SYT14: variants seen among roughly 807,000 people sequenced by gnomAD.
SYT14 encodes the protein synaptotagmin-14.
In SYT14, 32 loss-of-function variants were observed where a neutral mutation model predicts 74.2. That is an observed-to-expected ratio of 0.43 (90% CI 0.33 to 0.58). The LOEUF (loss-of-function observed/expected upper bound fraction) is 0.58. Among genes scored for constraint, SYT14 ranks in the 20% least tolerant of loss-of-function variants. The probability of loss-of-function intolerance (pLI) is 0.05; values close to 1 mark genes in which losing one functional copy is unlikely to be tolerated. For synonymous variants in SYT14, 298 were observed against 337.7 expected, an observed-to-expected ratio of 0.88 and a Z score of 1.29; for missense variants, 791 against 981.8, an observed-to-expected ratio of 0.81 and a Z score of 2.60.
intron 5 of SYT14, among the ~76,000 whole-genome samples, chr1:210,069,735 T>C (rs2081359610): frequency 6.6e-6 from 1 of 152,054 alleles, no homozygotes; most frequent in African/African-American, 2.4e-5. Flanking sequence ...TTTATAATTA[T>C]TCTTATTTGA....
intron 2 of SYT14, among the ~76,000 whole-genome samples, chr1:209,969,989 C>G (rs2079221440): frequency 6.6e-6 from 1 of 152,058 alleles, no homozygotes; most frequent in South Asian, 2.1e-4. Context: ...TGCAAATATG[C>G]AAATATTTTC....
chr1:210,162,220 G>A (rs763703414), exon 10 of SYT14: 5 of 429,046 alleles, frequency 1.2e-5, no homozygotes, highest in East Asian at 7.2e-5. Flanking sequence ...GTTCTTCAAC[G>A]TGATGTCATC....
chr1:209,975,946 C>T (rs1446441723), intron 2 of SYT14, among the ~76,000 whole-genome samples: 2 of 152,050 alleles, frequency 1.3e-5, no homozygotes, highest in Non-Finnish European at 2.9e-5. Flanking sequence ...GTGTATGTGT[C>T]GAGGAATTTA....
chr1:210,108,476 G>C (rs2082199048), intron 7 of SYT14, among the ~76,000 whole-genome samples: 1 of 152,184 alleles, frequency 6.6e-6, no homozygotes, highest in South Asian at 2.1e-4. Context: ...CCAAACGAGA[G>C]TGGCAGTCAT....
At chr1:210,116,905 T>C (rs1410012358) in intron 7 of SYT14, among the ~76,000 whole-genome samples, 2 of 152,220 alleles carry the variant, frequency 1.3e-5, no homozygotes, top group African/African-American at 4.8e-5. Context: ...TAATATAATA[T>C]TATTTCTTGA....
chr1:210,111,063 T>C (rs2082252983), intron 7 of SYT14, among the ~76,000 whole-genome samples: 1 of 152,156 alleles, frequency 6.6e-6, no homozygotes, highest in African/African-American at 2.4e-5. Context: ...AACTTATCTA[T>C]GTAAACCCAA....
At chr1:210,018,878 C>T (rs904663428) in intron 4 of SYT14, among the ~76,000 whole-genome samples, 4 of 152,042 alleles carry the variant, frequency 2.6e-5, no homozygotes, top group Admixed American at 2.0e-4. Context: ...TGGCTCACGC[C>T]TGTAATCCCA....
intron 2 of SYT14, among the ~76,000 whole-genome samples, chr1:209,955,188 T>A (rs1177800265): frequency 6.6e-6 from 1 of 152,192 alleles, no homozygotes; most frequent in Non-Finnish European, 1.5e-5. Context: ...CACAAATTTA[T>A]AAATCCAGTT....
intron 7 of SYT14, among the ~76,000 whole-genome samples, chr1:210,146,782 A>G (rs567261450): frequency 8.6e-5 from 13 of 150,766 alleles, no homozygotes; most frequent in Non-Finnish European, 1.2e-4. Context: ...TATACTACAT[A>G]CATACTATAT....
intron 5 of SYT14, among the ~76,000 whole-genome samples, chr1:210,046,937 A>G (rs1463440549): frequency 6.6e-6 from 1 of 152,186 alleles, no homozygotes; most frequent in African/African-American, 2.4e-5. Flanking sequence ...TCCCCATTCT[A>G]TAAAAGAGGA....
chr1:209,938,538 G>T (rs2078674423), intron 1 of SYT14, among the ~76,000 whole-genome samples: 1 of 152,006 alleles, frequency 6.6e-6, no homozygotes. Context: ...GGGCAAAGCG[G>T]GCTGGCGGGC....
intron 5 of SYT14, among the ~76,000 whole-genome samples, chr1:210,035,965 G>T (rs949689549): frequency 2.0e-5 from 3 of 151,838 alleles, no homozygotes; most frequent in African/African-American, 4.8e-5. Flanking sequence ...TTTTGTTGGG[G>T]ATTACACTGA....
intron 2 of SYT14, among the ~76,000 whole-genome samples, chr1:209,958,559 G>A (rs2079028304): frequency 6.6e-6 from 1 of 151,964 alleles, no homozygotes; most frequent in Admixed American, 6.6e-5. Flanking sequence ...CTTTCAATAA[G>A]GTTTTGAAAA....
At chr1:210,059,916 A>G (rs2081177338) in intron 5 of SYT14, among the ~76,000 whole-genome samples, 1 of 152,130 alleles carries the variant, frequency 6.6e-6, no homozygotes, top group African/African-American at 2.4e-5. Flanking sequence ...AAGTTTATCT[A>G]CAGTGGGTGG....
rs2083192784 is a variant in SYT14, at chr1:210,152,850, G to GT, written c.2035-2867dup. Among the ~76,000 whole-genome samples the GT allele has an allele frequency of 5.3e-5, 7 of 132,662 alleles. No homozygotes were observed. The South Asian group carries it at 1.8e-3, about 34-fold the overall frequency. 87.0% of individuals were successfully genotyped at this position (132,662 alleles called of 152,430 possible). A position where few individuals can be genotyped will look rare whatever the true frequency, so the allele number is the denominator to read the frequency against. Reference sequence around the variant, plus strand: ...ATGGTTTAGTTCTGCTTGGTTTGAGGTTTTGGTTTTTGGGTTGTTTGATTT... The same window carrying GT: ...ATGGTTTAGTTCTGCTTGGTTTGAGGTTTTTGGTTTTTGGGTTGTTTGATTT... On this transcript the variant is annotated intron_variant, in intron 7 of 9. Transcript: ENST00000637265.
At chr1:210,136,290 G>T (rs2082784704) in intron 7 of SYT14, among the ~76,000 whole-genome samples, 1 of 152,148 alleles carries the variant, frequency 6.6e-6, no homozygotes, top group Non-Finnish European at 1.5e-5. Flanking sequence ...GTATGTGAGA[G>T]AGAGAGAAGC....
chr1:210,081,798 A>C (rs527243749), intron 5 of SYT14, among the ~76,000 whole-genome samples: 3 of 152,224 alleles, frequency 2.0e-5, no homozygotes, highest in African/African-American at 7.2e-5. Flanking sequence ...AACAGAATAA[A>C]CAATATCATA....
intron 1 of SYT14, among the ~76,000 whole-genome samples, chr1:209,943,358 A>G (rs1349169969): frequency 1.3e-5 from 2 of 152,056 alleles, no homozygotes; most frequent in Non-Finnish European, 2.9e-5. Flanking sequence ...TACAAAACTT[A>G]GCTGGGTGTA....
At chr1:210,003,833 A>G (rs551006004) in intron 2 of SYT14, among the ~76,000 whole-genome samples, 77 of 152,282 alleles carry the variant, frequency 5.1e-4, no homozygotes, top group African/African-American at 1.8e-3. Flanking sequence ...ATCCTTACAA[A>G]TAATTGGTTT....
Sources: allele counts gnomAD v4.1 joint callset (sites outside exome capture counted in the v4.1 genomes callset), GRCh38; gene constraint gnomAD v4.1.1; transcripts MANE v1.5; gene names NCBI Gene and HGNC (gene_info 2026-07-23, HGNC 2026-07-21).